Variants in UGT8 observed in about 807,000 individuals in gnomAD.
UGT8 encodes UDP glycosyltransferase 8.
UGT8 carries 12 observed loss-of-function variants against 40.5 expected under a neutral mutation model. The observed-to-expected ratio is 0.30, with a 90% CI of 0.19 to 0.48. The LOEUF is 0.48. Among genes scored for constraint, UGT8 ranks in the 20% least tolerant of loss-of-function variants. UGT8 has a pLI of 0.99. For synonymous variants in UGT8, 224 were observed against 240.4 expected, an observed-to-expected ratio of 0.93 and a Z score of 0.63; for missense variants, 513 against 648.7, an observed-to-expected ratio of 0.79 and a Z score of 2.27.
intron 5 of UGT8, among the ~76,000 whole-genome samples, chr4:114,669,725 A>G (rs1218449846): frequency 6.6e-6 from 1 of 152,230 alleles, no homozygotes; most frequent in East Asian, 1.9e-4. Context: ...TTTAAGGATT[A>G]TTCAATGCAG....
intron 2 of UGT8, among the ~76,000 whole-genome samples, chr4:114,647,029 T>C (rs190581935): frequency 5.3e-5 from 8 of 152,336 alleles, no homozygotes; most frequent in Admixed American, 3.3e-4. Flanking sequence ...AGCAGTTTGA[T>C]TCTGTTTGTA....
intron 2 of UGT8, among the ~76,000 whole-genome samples, chr4:114,642,178 T>C (rs565550791): frequency 6.6e-6 from 1 of 152,240 alleles, no homozygotes; most frequent in South Asian, 2.1e-4. Context: ...AGCTGAAAGA[T>C]GATGAGCTTT....
intron 2 of UGT8, among the ~76,000 whole-genome samples, chr4:114,662,504 G>A (rs1734602462): frequency 6.6e-6 from 1 of 152,056 alleles, no homozygotes; most frequent in South Asian, 2.1e-4. Flanking sequence ...AGAGCTTCCT[G>A]GAAAATACAA....
chr4:114,635,290 G>A (rs1262776325), intron 2 of UGT8, among the ~76,000 whole-genome samples: 1 of 151,852 alleles, frequency 6.6e-6, no homozygotes, highest in Non-Finnish European at 1.5e-5. Flanking sequence ...GGCAGAGGTT[G>A]CAGTGAGCTG....
intron 2 of UGT8, among the ~76,000 whole-genome samples, chr4:114,658,964 T>C (rs766745479): frequency 1.2e-4 from 18 of 152,120 alleles, no homozygotes; most frequent in South Asian, 6.2e-4. Flanking sequence ...ATCTCCAGCC[T>C]CACAGAGCCA....
chr4:114,656,093 T>G (rs1734171735), intron 2 of UGT8, among the ~76,000 whole-genome samples: 1 of 152,164 alleles, frequency 6.6e-6, no homozygotes, highest in Admixed American at 6.5e-5. Context: ...TGATTTTGAC[T>G]TGCTTCATTA....
chr4:114,668,251 A>G lies in UGT8; in HGVS notation c.1209A>G (p.Thr403=), dbSNP rs140417202. 1 of 1,613,766 alleles carries G rather than the reference A, an allele frequency of 6.2e-7. No homozygotes were observed. The highest frequency in any genetic ancestry group is 8.5e-7 in the Non-Finnish European group (1 of 1,179,832). ...TGGGGATATTGCTAGAATGGAAGAC[A>G]GTTACTGAAAAAGAGCTCTATGAAG... is the stretch of plus-strand genomic sequence containing the variant. ...KGMGILLEWK[T]VTEKELYEAL... Residue 403 remains threonine (T), a synonymous_variant, in exon 5 of 6, where the codon ACA becomes ACG. Coordinates refer to ENST00000310836, the MANE Select transcript of UGT8 (RefSeq NM_001128174.3).
intron 2 of UGT8, among the ~76,000 whole-genome samples, chr4:114,659,246 G>T (rs1298992357): frequency 6.6e-6 from 1 of 152,094 alleles, no homozygotes; most frequent in African/African-American, 2.4e-5. Flanking sequence ...TCCCATAAAA[G>T]ACTTCAAACA....
chr4:114,631,604 C>T (rs757554624), intron 2 of UGT8, among the ~76,000 whole-genome samples: 8 of 152,158 alleles, frequency 5.3e-5, no homozygotes, highest in Non-Finnish European at 8.8e-5. Flanking sequence ...CCTGTCGGCA[C>T]GTGATTGTAG....
intron 2 of UGT8, among the ~76,000 whole-genome samples, chr4:114,661,404 GC>G (rs1734527204): frequency 6.6e-6 from 1 of 151,968 alleles, no homozygotes; most frequent in South Asian, 2.1e-4. Flanking sequence ...TTTATATATG[GC>G]TAAGATATCC....
intron 2 of UGT8, among the ~76,000 whole-genome samples, chr4:114,625,363 T>C (rs1025475765): frequency 1.3e-5 from 2 of 151,774 alleles, no homozygotes; most frequent in African/African-American, 4.8e-5. Flanking sequence ...AAATAAAAAT[T>C]AGCTGGGTAT....
At chr4:114,671,447 A>T (rs1735270485) in intron 5 of UGT8, among the ~76,000 whole-genome samples, 1 of 152,214 alleles carries the variant, frequency 6.6e-6, no homozygotes, top group East Asian at 1.9e-4. Context: ...TGCAGTAACT[A>T]AAATAGCATG....
intron 2 of UGT8, among the ~76,000 whole-genome samples, chr4:114,651,967 G>A (rs1733918572): frequency 6.6e-6 from 1 of 151,870 alleles, no homozygotes; most frequent in Non-Finnish European, 1.5e-5. Context: ...TATTTGGGAT[G>A]CCTTGAAATT....
chr4:114,604,662 A>G (rs914671864), intron 1 of UGT8, among the ~76,000 whole-genome samples: 1 of 152,138 alleles, frequency 6.6e-6, no homozygotes, highest in African/African-American at 2.4e-5. Flanking sequence ...ACATCTATGC[A>G]GTGGTTTGGA....
At chr4:114,638,846 A>G (rs921665049) in intron 2 of UGT8, among the ~76,000 whole-genome samples, 3 of 152,156 alleles carry the variant, frequency 2.0e-5, no homozygotes, top group Admixed American at 6.5e-5. Flanking sequence ...GTATTTTTAC[A>G]TATCTCTTAC....
chr4:114,667,468 T>A (rs1734958836), intron 4 of UGT8, among the ~76,000 whole-genome samples: 1 of 152,202 alleles, frequency 6.6e-6, no homozygotes, highest in South Asian at 2.1e-4. Flanking sequence ...AACAACTAAA[T>A]GTTATGTGAT....
At chr4:114,603,653 C>T (rs1168302569) in intron 1 of UGT8, among the ~76,000 whole-genome samples, 1 of 152,114 alleles carries the variant, frequency 6.6e-6, no homozygotes, top group Non-Finnish European at 1.5e-5. Context: ...TTCCCACCCC[C>T]TCTCGAGCCC....
chr4:114,611,378 G>A (rs1467141605), intron 1 of UGT8, among the ~76,000 whole-genome samples: 7 of 135,486 alleles, frequency 5.2e-5, no homozygotes, highest in Non-Finnish European at 7.7e-5. Context: ...ATCTTTTTCT[G>A]TAGGATAACA....
chr4:114,666,522 T>A (rs1734891366), intron 4 of UGT8, among the ~76,000 whole-genome samples: 1 of 152,084 alleles, frequency 6.6e-6, no homozygotes, highest in South Asian at 2.1e-4. Context: ...TACAAGGCAA[T>A]TTACCTTTCT....
Sources: gnomAD v4.1 joint callset for allele counts (sites outside exome capture counted in the v4.1 genomes callset) on GRCh38, gnomAD v4.1.1 for gene constraint, MANE v1.5 for transcripts, NCBI Gene and HGNC (gene_info 2026-07-23, HGNC 2026-07-21) for gene names.